The following PTH2R variants were observed in gnomAD, a reference collection of about 807,000 sequenced individuals.
PTH2R encodes PTH2 receptor.
A neutral mutation model predicts 60.3 loss-of-function variants in PTH2R; 59 were observed. That is an observed-to-expected ratio of 0.98 (90% CI 0.79 to 1.22). The LOEUF (loss-of-function observed/expected upper bound fraction) is 1.22, where lower values mean the gene tolerates loss of function less well. Among genes scored for constraint, PTH2R ranks in the 50% most tolerant of loss-of-function variants. The pLI, the probability that PTH2R is intolerant of heterozygous loss-of-function variation, is 0.00. For missense variants in PTH2R, 749 were observed against 682.6 expected (o/e 1.10, Z -1.08); for synonymous variants, 256 against 243.8 (o/e 1.05, Z -0.47).
chr2:208,429,039 C>T (rs12621739), intron 2 of PTH2R, among the ~76,000 whole-genome samples: 80,127 of 149,586 alleles, frequency 0.54, 23,682 homozygotes, highest in East Asian at 0.88. Context: ...GAGCTGAGAT[C>T]GCACCATTGA....
chr2:208,414,403 T>C (rs769800836), intron 1 of PTH2R, among the ~76,000 whole-genome samples: 4 of 152,198 alleles, frequency 2.6e-5, no homozygotes, highest in Non-Finnish European at 5.9e-5. Flanking sequence ...TATTTTTGTA[T>C]TCAGTCTTGT....
chr2:208,437,452 A>G, intron 2 of PTH2R, 85 bp from the exon 3 acceptor site: 1 of 1,098,212 alleles, frequency 9.1e-7, no homozygotes, highest in Non-Finnish European at 1.3e-6. Context: ...CAATGACCTA[A>G]AATTTTGTTT....
intron 1 of PTH2R, among the ~76,000 whole-genome samples, chr2:208,401,630 G>T (rs943123863): frequency 6.6e-6 from 1 of 151,914 alleles, no homozygotes; most frequent in Non-Finnish European, 1.5e-5. Flanking sequence ...TGCTGTTTTA[G>T]AATCCCTCCT....
intron 1 of PTH2R, among the ~76,000 whole-genome samples, chr2:208,374,725 C>T (rs534410043): frequency 1.3e-5 from 2 of 152,104 alleles, no homozygotes; most frequent in South Asian, 2.1e-4. Flanking sequence ...AGGCTGGTCT[C>T]GAACTCCTGA....
chr2:208,408,857 C>T (rs1473168164), intron 1 of PTH2R, among the ~76,000 whole-genome samples: 5 of 151,992 alleles, frequency 3.3e-5, no homozygotes, highest in Non-Finnish European at 7.4e-5. Context: ...ACTTCTATAA[C>T]TTTAAACCAG....
In PTH2R at chr2:208,489,146, T is replaced by C. The variant is rs778359194; in HGVS notation, c.1211T>C (p.Phe404Ser). Residue 404 changes from phenylalanine to serine, a missense_variant, in exon 11 of 13, where the codon TTT becomes TCT. Transcript: ENST00000272847. Reference protein sequence around the residue: ...RMHCELFFNSFQGFFVSIIYC... With the variant: ...RMHCELFFNSSQGFFVSIIYC... ...CACTGTGAGCTCTTCTTCAACTCCTTTCAGGTAAAGGGTGCTGCCTAGTCA... is the reference window on the plus strand; with the variant it reads ...CACTGTGAGCTCTTCTTCAACTCCTCTCAGGTAAAGGGTGCTGCCTAGTCA... 41 of 1,613,892 alleles carry C rather than the reference T, an allele frequency of 2.5e-5. No individual in the cohort carries two copies. Among genetic ancestry groups the C allele is most frequent in the Middle Eastern group, 1.6e-4 (1 of 6,084 alleles).
At chr2:208,398,730 T>C (rs1400248792) in intron 1 of PTH2R, among the ~76,000 whole-genome samples, 1 of 152,232 alleles carries the variant, frequency 6.6e-6, no homozygotes, top group Non-Finnish European at 1.5e-5. Flanking sequence ...TTATTTACTA[T>C]CTCGATTTTG....
intron 8 of PTH2R, among the ~76,000 whole-genome samples, chr2:208,458,499 A>C (rs1314745698): frequency 1.3e-5 from 2 of 152,164 alleles, no homozygotes; most frequent in Admixed American, 6.5e-5. Context: ...TGTTCCGTAG[A>C]TAAACATGTG....
In PTH2R at chr2:208,452,925, G is replaced by A. The variant is rs565287851; in HGVS notation, c.914+2116G>A. ...AGGCATTCAGAAAACACTTACAGGC[G>A]GATGAGGTGTTTCTATTGAGATAAG... is the stretch of plus-strand genomic sequence containing the variant. On this transcript the variant is annotated intron_variant, in intron 8 of 12. Coordinates refer to ENST00000272847, the MANE Select transcript of PTH2R (RefSeq NM_005048.4). Among the ~76,000 whole-genome samples the A allele has an allele frequency of 7.2e-5, 11 of 152,246 alleles. No homozygotes were observed. In the South Asian group the frequency reaches 1.0e-3, roughly 14 times the overall value.
intron 1 of PTH2R, among the ~76,000 whole-genome samples, chr2:208,421,343 G>A (rs183511187): frequency 6.6e-6 from 1 of 151,694 alleles, no homozygotes; most frequent in Admixed American, 6.6e-5. Context: ...AACTTAAGAA[G>A]CCAAGACATT....
At chr2:208,457,401 A>T (rs185217081) in intron 8 of PTH2R, among the ~76,000 whole-genome samples, 1 of 152,340 alleles carries the variant, frequency 6.6e-6, no homozygotes, top group African/African-American at 2.4e-5. Context: ...GAATATGTGC[A>T]TTTCATTTTG....
chr2:208,493,463 C>G lies in PTH2R; in HGVS notation c.1457C>G (p.Pro486Arg). The change falls in exon 13 of 13, where the codon CCT becomes CGT. Residue 486 changes from proline (P) to arginine (R), a missense_variant. Pro to Arg is a moderately radical substitution (Grantham distance 103). Transcript: ENST00000272847. ...GKAAKIASRQ[P>R]DSHITLPGYV... ...GCTGCCAAGATCGCCAGCAGACAGC[C>G]TGACAGCCACATCACTTTACCTGGC... 1.2e-6 allele frequency: 2 copies of G among 1,611,100 alleles called. No homozygotes were observed. The highest frequency in any genetic ancestry group is 1.7e-6 in the Non-Finnish European group (2 of 1,178,218).
chr2:208,446,384 T>C (rs114393035), intron 7 of PTH2R, among the ~76,000 whole-genome samples: 1,649 of 152,356 alleles, frequency 0.011, 15 homozygotes, highest in Middle Eastern at 0.051. Flanking sequence ...TACCTTCCTT[T>C]ACAGCTTTTA....
At chr2:208,461,392 C>T (rs1443480218) in intron 9 of PTH2R, among the ~76,000 whole-genome samples, 1 of 152,034 alleles carries the variant, frequency 6.6e-6, no homozygotes, top group African/African-American at 2.4e-5. Flanking sequence ...GGTATTTAAT[C>T]CTTATTTATA....
At chr2:208,462,303 A>C (rs1441538821) in intron 9 of PTH2R, among the ~76,000 whole-genome samples, 3 of 152,214 alleles carry the variant, frequency 2.0e-5, no homozygotes, top group African/African-American at 7.2e-5. Flanking sequence ...GGAAAGAAAA[A>C]ATAGAATTAT....
chr2:208,362,837 AGTGTGTGTGT>A lies in PTH2R; in HGVS notation c.-259+2617_-259+2626del, dbSNP rs4021384. 8.2e-3 allele frequency among the ~76,000 whole-genome samples: 1,235 copies of A among 150,580 alleles called. 15 individuals carry two copies. The highest frequency in any genetic ancestry group is 0.029 in the African/African-American group (1,169 of 40,768). On this transcript the variant is annotated intron_variant, in intron 1 of 12. Coordinates refer to the PTH2R transcript ENST00000617735. ...CTCTACATCCATACCAACACTTATT[AGTGTGTGTGT>A]GTGTGTGTGTGTGTGTTTAATGGCT... is the stretch of plus-strand genomic sequence containing the variant.
At chr2:208,377,592 C>T (rs1292404636) in intron 1 of PTH2R, among the ~76,000 whole-genome samples, 5 of 149,922 alleles carry the variant, frequency 3.3e-5, no homozygotes, top group African/African-American at 1.0e-4. Flanking sequence ...CGGGCGGGGG[C>T]TGACCCCCCA....
At chr2:208,390,563 T>C (rs1441847864) in intron 1 of PTH2R, among the ~76,000 whole-genome samples, 1 of 152,210 alleles carries the variant, frequency 6.6e-6, no homozygotes, top group Non-Finnish European at 1.5e-5. Context: ...CTAAGTCCGA[T>C]AAAAAGTCCT....
chr2:208,397,575 T>G (rs112603275), intron 1 of PTH2R, among the ~76,000 whole-genome samples: 1 of 151,424 alleles, frequency 6.6e-6, no homozygotes, highest in South Asian at 2.1e-4. Context: ...GAGATAGAGG[T>G]GGGGGGGCTC....
Sources: allele counts gnomAD v4.1 joint callset (sites outside exome capture counted in the v4.1 genomes callset), GRCh38; gene constraint gnomAD v4.1.1; transcripts MANE v1.5; gene names NCBI Gene and HGNC (gene_info 2026-07-23, HGNC 2026-07-21).